TES: variants seen among roughly 807,000 people sequenced by gnomAD.
TES encodes the protein testin LIM domain protein.
TES carries 41 observed loss-of-function variants against 48.2 expected under a neutral mutation model. The observed-to-expected ratio is 0.85, with a 90% CI of 0.66 to 1.10. TES has a LOEUF of 1.10. Ranked by LOEUF, TES falls within the 50% of genes least tolerant of loss-of-function variation. TES has a pLI of 0.00. For synonymous variants in TES, 162 were observed against 174.9 expected (o/e 0.93, Z 0.58); for missense variants, 463 against 515.1 (o/e 0.90, Z 0.98).
intron 1 of TES, among the ~76,000 whole-genome samples, chr7:116,229,305 C>T (rs1352370933): frequency 2.0e-5 from 3 of 151,996 alleles, no homozygotes; most frequent in African/African-American, 4.8e-5. Flanking sequence ...AGAAACTAAC[C>T]TACAAGATTT....
At chr7:116,251,420 C>A in intron 4 of TES, 1 of 239,976 alleles carries the variant, frequency 4.2e-6, no homozygotes, top group Non-Finnish European at 8.4e-6. Flanking sequence ...CAGTGGCTCA[C>A]GCCTGTAATC....
chr7:116,234,229 T>C (rs1799736574), intron 1 of TES, among the ~76,000 whole-genome samples: 1 of 152,158 alleles, frequency 6.6e-6, no homozygotes, highest in African/African-American at 2.4e-5. Flanking sequence ...GGCTGTACTA[T>C]GGGGCAAGTA....
intron 6 of TES, 132 bp from the exon 7 acceptor site, chr7:116,257,161 AC>A: frequency 4.1e-6 from 4 of 965,322 alleles, no homozygotes; most frequent in Non-Finnish European, 5.9e-6. Flanking sequence ...CTAGAAGGCC[AC>A]CCTCCATTGT....
chr7:116,245,202 C>G (rs1023040691), intron 2 of TES, among the ~76,000 whole-genome samples: 5 of 152,166 alleles, frequency 3.3e-5, no homozygotes, highest in African/African-American at 1.2e-4. Flanking sequence ...CAGAAAATAA[C>G]TTTTTCTTTT....
chr7:116,234,548 C>G lies in TES; in HGVS notation c.42C>G (p.His14Gln), dbSNP rs761630621. The G allele has an allele frequency of 6.2e-7, 1 of 1,613,558 alleles. No individual in the cohort carries two copies. The highest frequency in any genetic ancestry group is 8.5e-7 in the Non-Finnish European group (1 of 1,179,722). The change falls in exon 2 of 7, where the codon CAC becomes CAG. Residue 14 changes from histidine (H) to glutamine (Q), a missense_variant. His to Gln is a conservative substitution (Grantham distance 24). Transcript: ENST00000358204. ...ENKVKKMGLG[H>Q]EQGFGAPCLK... is the part of the protein sequence containing the mutation. ...CTTTTTAACAGATGGGCTTAGGTCACGAGCAAGGATTTGGAGCCCCTTGTT... is the reference window on the plus strand; with the variant it reads ...CTTTTTAACAGATGGGCTTAGGTCAGGAGCAAGGATTTGGAGCCCCTTGTT...
intron 6 of TES, among the ~76,000 whole-genome samples, chr7:116,253,579 C>G (rs1800049791): frequency 6.6e-6 from 1 of 152,148 alleles, no homozygotes; most frequent in African/African-American, 2.4e-5. Context: ...CTTCTTGCCT[C>G]TCCTGTCCCT....
chr7:116,246,196 C>T (rs1328987217), intron 2 of TES, among the ~76,000 whole-genome samples: 2 of 152,216 alleles, frequency 1.3e-5, no homozygotes, highest in Non-Finnish European at 2.9e-5. Context: ...TTCATCTCCA[C>T]TGTTGAATAC....
At chr7:116,235,457 A>AAAT (rs1008614363) in intron 2 of TES, among the ~76,000 whole-genome samples, 12 of 152,308 alleles carry the variant, frequency 7.9e-5, no homozygotes, top group East Asian at 5.8e-4. Context: ...TTTAAGAAAA[A>AAAT]AATTAATTGT....
chr7:116,251,692 A>AAG, intron 4 of TES, 68 bp from the exon 5 acceptor site: 1 of 1,408,204 alleles, frequency 7.1e-7, no homozygotes, highest in Non-Finnish European at 9.8e-7. Context: ...CAAAAAAAAA[A>AAG]AAAGAAAGAA....
chr7:116,229,032 AT>A lies in TES; in HGVS notation c.28-5501del, dbSNP rs1159916259. On this transcript the variant is annotated intron_variant, in intron 1 of 6. Transcript: ENST00000358204. Reference sequence around the variant, plus strand: ...TATATATATATATATATATATATATATAATCATTTCCTTAATATTTGGTAAT... The same window carrying A: ...TATATATATATATATATATATATATAAATCATTTCCTTAATATTTGGTAAT... Among the ~76,000 whole-genome samples the A allele has an allele frequency of 3.9e-3, 456 of 115,948 alleles. 14 individuals are homozygous for A. The highest frequency in any genetic ancestry group is 0.012 in the African/African-American group (357 of 30,888). 76.1% of individuals were successfully genotyped at this position (115,948 alleles called of 152,430 possible).
In TES at chr7:116,257,549, C is replaced by T; in HGVS notation, c.*67C>T. On this transcript the variant is annotated 3_prime_UTR_variant, in exon 7 of 7. Coordinates refer to ENST00000358204, the MANE Select transcript of TES (RefSeq NM_015641.4). Reference sequence around the variant, plus strand: ...TGGTCTGCATTTCTACTGTAAAATGCAATTTGAAAAAAATAAAACGCAAAA... The same window carrying T: ...TGGTCTGCATTTCTACTGTAAAATGTAATTTGAAAAAAATAAAACGCAAAA... 2 of 1,225,566 alleles carry T rather than the reference C, an allele frequency of 1.6e-6. No homozygotes were observed. The highest frequency in any genetic ancestry group is 2.1e-6 in the Non-Finnish European group (2 of 949,986). 75.9% of individuals were successfully genotyped at this position (1,225,566 alleles called of 1,614,324 possible).
At position 116,251,814 on chromosome 7, in the gene TES, G is replaced by A. The variant is rs767465842; in HGVS notation, c.757G>A (p.Glu253Lys). 2.1e-5 allele frequency: 34 copies of A among 1,614,074 alleles called. No homozygotes were observed. The highest frequency in any genetic ancestry group is 2.7e-5 in the African/African-American group (2 of 74,912). The change falls in exon 5 of 7, where the codon GAA becomes AAA. Residue 253 changes from glutamate to lysine, a missense_variant. Glu to Lys is a moderately conservative substitution (Grantham distance 56). Transcript: ENST00000358204. ...AGAAGGTGACCCAGCCATCTATGCC[G>A]AAAGGGCTGGCTATGATAAACTGTG... ...MKEGDPAIYAERAGYDKLWHP... is the reference protein window; with the variant it reads ...MKEGDPAIYAKRAGYDKLWHP...
intron 1 of TES, among the ~76,000 whole-genome samples, chr7:116,224,880 CAG>C (rs1358452436): frequency 6.6e-6 from 1 of 150,816 alleles, no homozygotes; most frequent in African/African-American, 2.4e-5. Context: ...GAAAAAAAAA[CAG>C]TGACTTTGTA....
intron 2 of TES, 64 bp from the exon 3 acceptor site, chr7:116,248,956 A>G (rs1799963025): frequency 6.9e-7 from 1 of 1,450,922 alleles, no homozygotes; most frequent in African/African-American, 1.4e-5. Flanking sequence ...TGAACTATAA[A>G]TGTATGAACA....
In TES at chr7:116,235,821, A is replaced by C. The variant is rs1238766297; in HGVS notation, c.113+1202A>C. Reference sequence around the variant, plus strand: ...TTCATCAGCTCTTGGAGATGTGTACAGTGTAAATTAAAGGAGAATATAAAC... The same window carrying C: ...TTCATCAGCTCTTGGAGATGTGTACCGTGTAAATTAAAGGAGAATATAAAC... On this transcript the variant is annotated intron_variant, in intron 2 of 6. Transcript: ENST00000358204. Among the ~76,000 whole-genome samples, 3 of 152,372 alleles carry C rather than the reference A, an allele frequency of 2.0e-5. No homozygotes were observed. In the South Asian group the frequency reaches 6.2e-4, roughly 32 times the overall value.
chr7:116,256,438 AG>A (rs1800099489), intron 6 of TES, among the ~76,000 whole-genome samples: 1 of 152,230 alleles, frequency 6.6e-6, no homozygotes, highest in Non-Finnish European at 1.5e-5. Context: ...AAAAACTTTA[AG>A]ACAGCCATAT....
At chr7:116,228,921 A>G (rs1336845704) in intron 1 of TES, among the ~76,000 whole-genome samples, 1 of 150,228 alleles carries the variant, frequency 6.7e-6, no homozygotes, top group Non-Finnish European at 1.5e-5. Flanking sequence ...CTGTGACCAG[A>G]ACACAGGTTT....
At chr7:116,251,565 C>G in intron 4 of TES, 195 bp from the exon 5 acceptor site, 1 of 559,068 alleles carries the variant, frequency 1.8e-6, no homozygotes, top group Non-Finnish European at 3.2e-6. Flanking sequence ...CGCCTGTAGT[C>G]CCAGCTACTC....
chr7:116,240,725 A>G (rs1231840807), intron 2 of TES, among the ~76,000 whole-genome samples: 8 of 152,096 alleles, frequency 5.3e-5, no homozygotes, highest in African/African-American at 1.4e-4. Context: ...TTAACATCCT[A>G]TGGAGAATCT....
Sources: allele counts gnomAD v4.1 joint callset (sites outside exome capture counted in the v4.1 genomes callset), GRCh38; gene constraint gnomAD v4.1.1; transcripts MANE v1.5; gene names NCBI Gene and HGNC (gene_info 2026-07-23, HGNC 2026-07-21).